PPFIBP2: variants seen among roughly 807,000 people sequenced by gnomAD.
PPFIBP2 encodes the protein PPFIB scaffold protein 2, also known as liprin-beta-2.
A neutral mutation model predicts 118.3 loss-of-function variants in PPFIBP2; 118 were observed. That is an observed-to-expected ratio of 1.00 (90% CI 0.86 to 1.16). The LOEUF (loss-of-function observed/expected upper bound fraction) is 1.16, where lower values mean the gene tolerates loss of function less well. Among genes scored for constraint, PPFIBP2 ranks in the 50% most tolerant of loss-of-function variants. The probability of loss-of-function intolerance (pLI) is 0.00; values close to 1 mark genes in which losing one functional copy is unlikely to be tolerated. For missense variants in PPFIBP2, 1,195 were observed against 1,073.1 expected, an observed-to-expected ratio of 1.11 and a Z score of -1.59; for synonymous variants, 414 against 397.4, an observed-to-expected ratio of 1.04 and a Z score of -0.50.
At chr11:7,599,187 T>C (rs193254747) in intron 5 of PPFIBP2, among the ~76,000 whole-genome samples, 12 of 152,166 alleles carry the variant, frequency 7.9e-5, no homozygotes, top group Admixed American at 2.0e-4. Flanking sequence ...TGAAAGTATT[T>C]TCACAAAGAG....
chr11:7,597,080 T>C (rs981652807), intron 4 of PPFIBP2: 7 of 1,150,590 alleles, frequency 6.1e-6, no homozygotes, highest in Admixed American at 6.3e-5. Context: ...CATTCCTTAA[T>C]TGCATCAAAA....
chr11:7,572,571 A>C (rs1381086193), intron 3 of PPFIBP2, among the ~76,000 whole-genome samples: 1 of 152,218 alleles, frequency 6.6e-6, no homozygotes, highest in Non-Finnish European at 1.5e-5. Flanking sequence ...CGTGGTGGAC[A>C]GTGTTGCCAG....
intron 1 of PPFIBP2, among the ~76,000 whole-genome samples, chr11:7,544,633 G>A (rs1006759822): frequency 2.0e-5 from 3 of 151,992 alleles, no homozygotes; most frequent in African/African-American, 7.3e-5. Flanking sequence ...AATTAGCCAG[G>A]CGTGGTGGCG....
intron 6 of PPFIBP2, among the ~76,000 whole-genome samples, chr11:7,615,540 G>A (rs1848538559): frequency 6.6e-6 from 1 of 152,100 alleles, no homozygotes; most frequent in Non-Finnish European, 1.5e-5. Context: ...GCACACAAGG[G>A]GCAGTAATGG....
chr11:7,515,392 G>A (rs1849144642), intron 1 of PPFIBP2, among the ~76,000 whole-genome samples: 1 of 152,208 alleles, frequency 6.6e-6, no homozygotes, highest in South Asian at 2.1e-4. Flanking sequence ...GGGTAGCTAA[G>A]GGAGATGCGC....
chr11:7,582,781 A>T (rs1370620539), intron 3 of PPFIBP2, among the ~76,000 whole-genome samples: 10 of 151,334 alleles, frequency 6.6e-5, no homozygotes, highest in Non-Finnish European at 1.3e-4. Context: ...TTCACCGCAA[A>T]ATGTAACTGT....
At chr11:7,661,014 T>A (rs1329114970), downstream of PPFIBP2, among the ~76,000 whole-genome samples, 1 of 151,882 alleles carries the variant, frequency 6.6e-6, no homozygotes, top group African/African-American at 2.4e-5. Flanking sequence ...CATTTTTTAT[T>A]GTGTCTATTT....
chr11:7,565,297 G>C (rs550911793), intron 2 of PPFIBP2, among the ~76,000 whole-genome samples: 3 of 152,332 alleles, frequency 2.0e-5, no homozygotes, highest in Admixed American at 6.5e-5. Context: ...GTCTCACTCT[G>C]TTGCCCAGGC....
In PPFIBP2 at chr11:7,651,824, A is replaced by G; in HGVS notation, c.2416A>G (p.Thr806Ala). Reference protein sequence around the residue: ...KMASPAYTPLTTTAKVRPRKL... With the variant: ...KMASPAYTPLATTAKVRPRKL... ...GGCCTCACCAGCTTACACACCACTGACCACCACAGCCAAAGTCCGGGTGAG... is the reference window on the plus strand; with the variant it reads ...GGCCTCACCAGCTTACACACCACTGGCCACCACAGCCAAAGTCCGGGTGAG... Residue 806 changes from threonine to alanine, a missense_variant, in exon 23 of 24, where the codon ACC (threonine) becomes GCC (alanine). Thr to Ala is a moderately conservative substitution (Grantham distance 58). Coordinates refer to ENST00000299492, the MANE Select transcript of PPFIBP2 (RefSeq NM_003621.5). 1.9e-6 allele frequency: 3 copies of G among 1,611,608 alleles called. No homozygotes were observed. The highest frequency in any genetic ancestry group is 2.5e-6 in the Non-Finnish European group (3 of 1,178,050).
intron 3 of PPFIBP2, among the ~76,000 whole-genome samples, chr11:7,583,320 A>G (rs2135065820): frequency 6.6e-6 from 1 of 152,152 alleles, no homozygotes; most frequent in South Asian, 2.1e-4. Flanking sequence ...TGTGTTCTCA[A>G]ACTTTGGATC....
chr11:7,578,277 T>TTTTG (rs2134959635), intron 3 of PPFIBP2, among the ~76,000 whole-genome samples: 1 of 152,356 alleles, frequency 6.6e-6, no homozygotes, highest in South Asian at 2.1e-4. Flanking sequence ...CTGTTTCCTC[T>TTTTG]TTTGTGGCTG....
chr11:7,619,433 C>T (rs1565069574), intron 6 of PPFIBP2, among the ~76,000 whole-genome samples: 1 of 152,082 alleles, frequency 6.6e-6, no homozygotes, highest in Non-Finnish European at 1.5e-5. Flanking sequence ...AAGAGTGATC[C>T]AAGAGGCAGG....
At chr11:7,655,252 C>G (rs1185984593), downstream of PPFIBP2, among the ~76,000 whole-genome samples, 1 of 152,176 alleles carries the variant, frequency 6.6e-6, no homozygotes, top group Admixed American at 6.5e-5. Context: ...CCCCAGGAAA[C>G]AGGAGCAGCA....
intron 17 of PPFIBP2, among the ~76,000 whole-genome samples, chr11:7,645,046 AAAAAAAAAAAAAAG>A (rs971350406): frequency 2.7e-5 from 4 of 146,748 alleles, no homozygotes; most frequent in African/African-American, 1.0e-4. Context: ...AAAAAAAAAA[AAAAAAAAAAAAAAG>A]GTATTTTAAA....
intron 1 of PPFIBP2, among the ~76,000 whole-genome samples, chr11:7,544,634 C>T (rs368520155): frequency 7.2e-5 from 11 of 152,022 alleles, no homozygotes; most frequent in East Asian, 5.8e-4. Context: ...ATTAGCCAGG[C>T]GTGGTGGCGG....
At chr11:7,520,309 G>A (rs1849631710) in intron 1 of PPFIBP2, among the ~76,000 whole-genome samples, 2 of 152,088 alleles carry the variant, frequency 1.3e-5, no homozygotes, top group South Asian at 2.1e-4. Context: ...CAGGGGGTAC[G>A]TGTCTTCCGG....
intron 1 of PPFIBP2, among the ~76,000 whole-genome samples, chr11:7,540,307 C>CT (rs1851646996): frequency 6.6e-6 from 1 of 152,114 alleles, no homozygotes; most frequent in Non-Finnish European, 1.5e-5. Context: ...TGCAGCCACT[C>CT]TGATGGGAGA....
At chr11:7,647,628 T>G (rs1416509748) in intron 17 of PPFIBP2, among the ~76,000 whole-genome samples, 1 of 152,146 alleles carries the variant, frequency 6.6e-6, no homozygotes, top group Admixed American at 6.5e-5. Flanking sequence ...TATTAGAAAA[T>G]TATTGATCTT....
chr11:7,643,962 A>G (rs577698938), intron 17 of PPFIBP2, among the ~76,000 whole-genome samples: 6 of 152,324 alleles, frequency 3.9e-5, no homozygotes, highest in African/African-American at 9.6e-5. Flanking sequence ...GAGTGCGCCT[A>G]TTACACCCAC....
Sources: allele counts gnomAD v4.1 joint callset (sites outside exome capture counted in the v4.1 genomes callset), GRCh38; gene constraint gnomAD v4.1.1; transcripts MANE v1.5; gene names NCBI Gene and HGNC (gene_info 2026-07-23, HGNC 2026-07-21).